SMG6: variants seen among roughly 807,000 people sequenced by gnomAD.
SMG6 encodes SMG6 nonsense mediated mRNA decay factor.
In SMG6, 66 loss-of-function variants were observed where a neutral mutation model predicts 142.2. The observed-to-expected ratio is 0.46, with a 90% CI of 0.38 to 0.57. The LOEUF is 0.57. Among genes scored for constraint, SMG6 ranks in the 20% least tolerant of loss-of-function variants. The pLI, the probability that SMG6 is intolerant of heterozygous loss-of-function variation, is 0.00. For missense variants in SMG6, 1,793 were observed against 1,832.0 expected (o/e 0.98, Z 0.39); for synonymous variants, 779 against 702.4 (o/e 1.11, Z -1.72).
chr17:2,089,172 C>T (rs553962820), intron 13 of SMG6, among the ~76,000 whole-genome samples: 1 of 152,280 alleles, frequency 6.6e-6, no homozygotes, highest in Admixed American at 6.5e-5. Context: ...CTCGTGAGCA[C>T]ATTTTTCCAC....
intron 12 of SMG6, among the ~76,000 whole-genome samples, chr17:2,178,262 C>T (rs1177466749): frequency 1.3e-5 from 2 of 152,112 alleles, no homozygotes; most frequent in Non-Finnish European, 2.9e-5. Flanking sequence ...AACAATGTGT[C>T]ATCCAGATGC....
intron 15 of SMG6, among the ~76,000 whole-genome samples, chr17:2,081,011 G>A (rs1023066050): frequency 5.3e-5 from 8 of 152,192 alleles, no homozygotes; most frequent in Admixed American, 2.6e-4. Context: ...AGCTATTTAG[G>A]TGGCAGGGCC....
chr17:2,184,304 A>G (rs2071901471), intron 12 of SMG6, among the ~76,000 whole-genome samples: 1 of 151,358 alleles, frequency 6.6e-6, no homozygotes, highest in South Asian at 2.1e-4. Context: ...CAGAGGCTAC[A>G]GTGAACTGAG....
intron 10 of SMG6, chr17:2,212,769 A>T (rs1309445763): frequency 6.6e-6 from 1 of 152,204 alleles, no homozygotes; most frequent in African/African-American, 2.4e-5. Flanking sequence ...CAAATAAGTG[A>T]CATGTTTCAA....
At position 2,258,268 on chromosome 17, in the gene SMG6, G is replaced by C. The variant is rs982059825; in HGVS notation, c.2662-13549C>G. Among the ~76,000 whole-genome samples, 6 of 151,762 alleles carry C rather than the reference G, an allele frequency of 4.0e-5. 1 individual carries two copies. The South Asian group carries it at 1.3e-3, about 32-fold the overall frequency. On this transcript the variant is annotated intron_variant, in intron 8 of 18. Transcript: ENST00000263073. ...TTATTTCTCGCCTTTTAAAAAAGGC[G>C]ACCTTGGCTGGGTGCAGTGACTCAC...
At chr17:2,086,934 G>A in intron 13 of SMG6, 1 of 1,148,988 alleles carries the variant, frequency 8.7e-7, no homozygotes, top group Non-Finnish European at 1.1e-6. Flanking sequence ...ACACGTCCGT[G>A]GCCAGACGTG....
rs943923217 is a variant in SMG6 at position 2,060,388 on chromosome 17, C to T, written c.*1104G>A. On this transcript the variant is annotated 3_prime_UTR_variant, in exon 19 of 19. Coordinates refer to ENST00000263073, the MANE Select transcript of SMG6 (RefSeq NM_017575.5). ...GAAACCAGGTTAGGCGACGGTGCCC[C>T]AGCACTGGAATGCCTCAGGCTGGGC... 1 of 152,278 alleles carries T rather than the reference C, an allele frequency of 6.6e-6. No individual in the cohort carries two copies. Among genetic ancestry groups the T allele is most frequent in the Non-Finnish European group, 1.5e-5 (1 of 68,098 alleles). The allele number at this position is 152,278 out of a possible 1,614,324, so 9.4% of individuals were successfully genotyped here. A position where few individuals can be genotyped will look rare whatever the true frequency, so the allele number is the denominator to read the frequency against.
intron 16 of SMG6, among the ~76,000 whole-genome samples, chr17:2,067,180 G>T (rs781444028): frequency 6.6e-6 from 1 of 152,182 alleles, no homozygotes; most frequent in Non-Finnish European, 1.5e-5. Context: ...GCATGTATCT[G>T]CTGGGTTTTC....
At chr17:2,236,449 C>T (rs766794102) in intron 10 of SMG6, 43 bp downstream of exon 10, 1 of 1,510,322 alleles carries the variant, frequency 6.6e-7, no homozygotes, top group Non-Finnish European at 9.0e-7. Context: ...ACATTAATCT[C>T]TATCTGTCTA....
chr17:2,229,984 G>C (rs1358639186), intron 10 of SMG6, among the ~76,000 whole-genome samples: 1 of 151,778 alleles, frequency 6.6e-6, no homozygotes, highest in Non-Finnish European at 1.5e-5. Flanking sequence ...TCAGGAGTTT[G>C]AGACCAGCCT....
chr17:2,242,686 CT>C (rs548200311), intron 9 of SMG6, among the ~76,000 whole-genome samples: 3 of 51,466 alleles, frequency 5.8e-5, no homozygotes, highest in Admixed American at 3.1e-4. Context: ...GGCTCCATCT[CT>C]TTAAAAAAAA....
intron 8 of SMG6, among the ~76,000 whole-genome samples, chr17:2,257,426 G>A (rs558004299): frequency 5.3e-5 from 8 of 152,194 alleles, no homozygotes; most frequent in South Asian, 2.1e-4. Context: ...TTATAGACAC[G>A]AGCCACCACG....
chr17:2,205,404 G>A (rs919652190), intron 10 of SMG6, among the ~76,000 whole-genome samples: 2 of 152,076 alleles, frequency 1.3e-5, no homozygotes, highest in African/African-American at 4.8e-5. Context: ...TTTTAAACTA[G>A]ATTAAAATTT....
At chr17:2,170,438 G>T (rs2071468125) in intron 13 of SMG6, among the ~76,000 whole-genome samples, 1 of 152,194 alleles carries the variant, frequency 6.6e-6, no homozygotes, top group African/African-American at 2.4e-5. Context: ...GCATCCTCTG[G>T]AATCAAGACC....
chr17:2,164,987 C>T (rs930975956), intron 13 of SMG6, among the ~76,000 whole-genome samples: 6 of 151,930 alleles, frequency 3.9e-5, no homozygotes, highest in African/African-American at 1.5e-4. Context: ...CTTTTTGTCA[C>T]GTAAGGTAAC....
chr17:2,102,655 G>A (rs1275341627), intron 13 of SMG6, among the ~76,000 whole-genome samples: 1 of 150,118 alleles, frequency 6.7e-6, no homozygotes, highest in Non-Finnish European at 1.5e-5. Context: ...ACAGTTGTGA[G>A]TGACCACGTC....
intron 12 of SMG6, among the ~76,000 whole-genome samples, chr17:2,173,667 T>C (rs2071573869): frequency 6.6e-6 from 1 of 152,118 alleles, no homozygotes; most frequent in Admixed American, 6.5e-5. Flanking sequence ...TAATTGCGTA[T>C]CACCAGGTCC....
chr17:2,183,663 A>AT (rs1175775927), intron 12 of SMG6, among the ~76,000 whole-genome samples: 1 of 151,632 alleles, frequency 6.6e-6, no homozygotes, highest in South Asian at 2.1e-4. Context: ...TACTCGTTTG[A>AT]TTTTTTGTTT....
chr17:2,111,880 C>T (rs756948319), intron 13 of SMG6, among the ~76,000 whole-genome samples: 3 of 152,142 alleles, frequency 2.0e-5, no homozygotes, highest in Non-Finnish European at 4.4e-5. Flanking sequence ...CCGCTCCATG[C>T]AGTTTCTGGA....
Sources: gnomAD v4.1 joint callset for allele counts (sites outside exome capture counted in the v4.1 genomes callset) on GRCh38, gnomAD v4.1.1 for gene constraint, MANE v1.5 for transcripts, NCBI Gene and HGNC (gene_info 2026-07-23, HGNC 2026-07-21) for gene names.